The following ZFAND4 variants were observed in gnomAD, a reference collection of about 807,000 sequenced individuals.
The protein encoded by ZFAND4 is zinc finger AN1-type containing 4.
In ZFAND4, 43 loss-of-function variants were observed where a neutral mutation model predicts 64.4. The observed-to-expected ratio is 0.67, with a 90% CI of 0.52 to 0.86. ZFAND4 has a LOEUF of 0.86. ZFAND4 is among the 40% of genes least tolerant of loss of function. The pLI is 0.00. For missense variants in ZFAND4, 929 were observed against 859.8 expected (o/e 1.08, Z -1.01); for synonymous variants, 296 against 305.7 (o/e 0.97, Z 0.33).
intron 6 of ZFAND4, among the ~76,000 whole-genome samples, chr10:45,633,948 A>T (rs2133637642): frequency 6.6e-6 from 1 of 152,358 alleles, no homozygotes; most frequent in South Asian, 2.1e-4. Flanking sequence ...ATTGGATCCC[A>T]GATTAAAAAC....
chr10:45,642,859 T>C (rs2047108325), intron 5 of ZFAND4, among the ~76,000 whole-genome samples: 2 of 151,148 alleles, frequency 1.3e-5, no homozygotes, highest in Admixed American at 1.3e-4. Context: ...TAATATAACA[T>C]TTCCTTGAAT....
chr10:45,648,203 T>A (rs1589372753), intron 5 of ZFAND4, 91 bp downstream of exon 5: 1 of 1,289,800 alleles, frequency 7.8e-7, no homozygotes, highest in East Asian at 2.6e-5. Flanking sequence ...ACTTATATAT[T>A]GGGGGCTGGG....
At chr10:45,635,773 T>A (rs1272940817) in intron 6 of ZFAND4, among the ~76,000 whole-genome samples, 3 of 152,236 alleles carry the variant, frequency 2.0e-5, no homozygotes, top group Non-Finnish European at 4.4e-5. Flanking sequence ...ATGACAATTT[T>A]ACAAGACAAA....
In ZFAND4 at chr10:45,652,977, C is replaced by A. The variant is rs753661027; in HGVS notation, c.260+7G>T. 2 of 1,605,196 alleles carry A rather than the reference C, an allele frequency of 1.2e-6. No individual in the cohort carries two copies. Among genetic ancestry groups the A allele is most frequent in the Admixed American group, 3.4e-5 (2 of 58,912 alleles). On this transcript the variant is annotated splice_region_variant and intron_variant, in intron 3 of 9. Coordinates refer to ENST00000344646, the MANE Select transcript of ZFAND4 (RefSeq NM_174890.4). The stretch of plus-strand genomic sequence containing the variant: ...CTACAAAACAGCCAATATGCAATTA[C>A]ACTCACTTGTAATCATTCAAGCAAT...
At chr10:45,662,475 C>T (rs970386485) in intron 2 of ZFAND4, 12 of 427,866 alleles carry the variant, frequency 2.8e-5, no homozygotes, top group Non-Finnish European at 3.4e-5. Flanking sequence ...TTATTTACAA[C>T]GCAAGATTTC....
intron 1 of ZFAND4, among the ~76,000 whole-genome samples, chr10:45,667,221 T>G (rs1413691729): frequency 6.6e-6 from 1 of 152,202 alleles, no homozygotes; most frequent in Non-Finnish European, 1.5e-5. Context: ...TTCCTTTAAA[T>G]GCTATTACAA....
At chr10:45,633,757 T>A (rs550984408) in intron 6 of ZFAND4, among the ~76,000 whole-genome samples, 1 of 152,258 alleles carries the variant, frequency 6.6e-6, no homozygotes, top group East Asian at 1.9e-4. Flanking sequence ...ACCAAAAATG[T>A]TCAAATTCCA....
intron 6 of ZFAND4, among the ~76,000 whole-genome samples, chr10:45,630,195 T>A (rs981748872): frequency 6.6e-6 from 1 of 152,026 alleles, no homozygotes; most frequent in Non-Finnish European, 1.5e-5. Flanking sequence ...GAAAACTCCA[T>A]CACAATACCC....
At chr10:45,625,278 C>T (rs2045720278) in intron 7 of ZFAND4, among the ~76,000 whole-genome samples, 1 of 151,014 alleles carries the variant, frequency 6.6e-6, no homozygotes, top group Admixed American at 6.6e-5. Context: ...CGAGACCATC[C>T]TGGCTAACAC....
intron 4 of ZFAND4, chr10:45,650,616 GT>G (rs2047698658): frequency 6.6e-6 from 1 of 152,100 alleles, no homozygotes; most frequent in African/African-American, 2.4e-5. Flanking sequence ...AAAAGTAGGT[GT>G]TTTGATTAAA....
chr10:45,629,450 T>C (rs373658108), intron 6 of ZFAND4, among the ~76,000 whole-genome samples: 4 of 152,202 alleles, frequency 2.6e-5, no homozygotes, highest in South Asian at 4.2e-4. Context: ...AAGGCAACCA[T>C]TGAGACTTTG....
Position 45,651,986 on chromosome 10 carries a change from C to T in ZFAND4, c.308G>A (p.Gly103Glu). Reference protein sequence around the residue: ...TLKLVLAMRGGPINTRRVPTD... With the variant: ...TLKLVLAMRGEPINTRRVPTD... ...CCTACCTCTTCTAGTATTTATAGGT[C>T]CGCCACGCATAGCCAAAACTAGCTT... The change falls in exon 4 of 10, where the codon GGA becomes GAA. Residue 103 changes from glycine to glutamate, a missense_variant. By Grantham distance (98) the Gly-to-Glu change is moderately conservative (BLOSUM62 -2). Transcript: ENST00000344646. The T allele has an allele frequency of 6.2e-7, 1 of 1,613,710 alleles. No individual in the cohort carries two copies. The highest frequency in any genetic ancestry group is 8.5e-7 in the Non-Finnish European group (1 of 1,179,732).
At chr10:45,627,157 T>G (rs1002667230) in intron 6 of ZFAND4, 52 bp from the exon 7 acceptor site, 1 of 1,432,034 alleles carries the variant, frequency 7.0e-7, no homozygotes, top group African/African-American at 1.4e-5. Flanking sequence ...CTCTGCCCAT[T>G]AACAAAAATT....
At chr10:45,621,686 G>A (rs2045438055) in intron 8 of ZFAND4, among the ~76,000 whole-genome samples, 1 of 152,080 alleles carries the variant, frequency 6.6e-6, no homozygotes, top group Non-Finnish European at 1.5e-5. Flanking sequence ...AGCTTGCAGT[G>A]AGCCGAGATC....
chr10:45,622,835 T>C (rs987925071), intron 8 of ZFAND4, among the ~76,000 whole-genome samples: 2 of 152,196 alleles, frequency 1.3e-5, no homozygotes, highest in Non-Finnish European at 2.9e-5. Context: ...AACGACTGTC[T>C]GTCCATGTAC....
At chr10:45,635,020 T>A (rs1412878589) in intron 6 of ZFAND4, among the ~76,000 whole-genome samples, 1 of 151,838 alleles carries the variant, frequency 6.6e-6, no homozygotes, top group Non-Finnish European at 1.5e-5. Flanking sequence ...AAATATTCCA[T>A]GTTCATGAGT....
chr10:45,652,050 C>A lies in ZFAND4; in HGVS notation c.261-17G>T. 6.2e-7 allele frequency: 1 copy of A among 1,612,662 alleles called. No homozygotes were observed. The highest frequency in any genetic ancestry group is 8.5e-7 in the Non-Finnish European group (1 of 1,179,028). The stretch of plus-strand genomic sequence containing the variant: ...TCTGAAATGCTGTGGATAGTTAACA[C>A]AAAAATAAATCATAATCATCAAAAT... On this transcript the variant is annotated splice_polypyrimidine_tract_variant and intron_variant, in intron 3 of 9. Transcript: ENST00000344646.
At chr10:45,629,237 A>G (rs2046047731) in intron 6 of ZFAND4, among the ~76,000 whole-genome samples, 1 of 151,926 alleles carries the variant, frequency 6.6e-6, no homozygotes, top group Admixed American at 6.6e-5. Context: ...TAATTTTTAT[A>G]TTTTTTGTAG....
intron 6 of ZFAND4, among the ~76,000 whole-genome samples, chr10:45,630,852 G>A (rs914483127): frequency 6.6e-6 from 1 of 151,610 alleles, no homozygotes; most frequent in Admixed American, 6.6e-5. Flanking sequence ...GGCAGAGGGG[G>A]TATCTCATGC....
Sources: allele counts gnomAD v4.1 joint callset (sites outside exome capture counted in the v4.1 genomes callset), GRCh38; gene constraint gnomAD v4.1.1; transcripts MANE v1.5; gene names NCBI Gene and HGNC (gene_info 2026-07-23, HGNC 2026-07-21).